The following ZSWIM6 variants were observed in gnomAD, a reference collection of about 807,000 sequenced individuals.
The protein encoded by ZSWIM6 is zinc finger SWIM-type containing 6.
ZSWIM6 carries 9 observed loss-of-function variants against 113.2 expected under a neutral mutation model. That is an observed-to-expected ratio of 0.08 (90% CI 0.05 to 0.14). ZSWIM6 has a LOEUF of 0.14. ZSWIM6 is among the 10% of genes least tolerant of loss of function. ZSWIM6 has a pLI of 1.00. For missense variants in ZSWIM6, 1,162 were observed against 1,552.2 expected, an observed-to-expected ratio of 0.75 and a Z score of 4.22; for synonymous variants, 611 against 606.5, an observed-to-expected ratio of 1.01 and a Z score of -0.11.
chr5:61,539,034 T>G, intron 11 of ZSWIM6, 63 bp downstream of exon 11: 2 of 1,430,548 alleles, frequency 1.4e-6, no homozygotes, highest in African/African-American at 1.4e-5. Context: ...TTTTTTTAAG[T>G]CTTGTTTTCT....
chr5:61,500,362 G>A (rs1002943345), intron 4 of ZSWIM6, among the ~76,000 whole-genome samples: 9 of 151,998 alleles, frequency 5.9e-5, no homozygotes, highest in South Asian at 2.1e-4. Context: ...TCCTGACCTC[G>A]TGATATGCCC....
At chr5:61,429,923 T>G (rs1746543977) in intron 1 of ZSWIM6, among the ~76,000 whole-genome samples, 1 of 152,138 alleles carries the variant, frequency 6.6e-6, no homozygotes, top group Non-Finnish European at 1.5e-5. Flanking sequence ...TGAGAATCAT[T>G]TAGATACATG....
intron 1 of ZSWIM6, among the ~76,000 whole-genome samples, chr5:61,431,064 A>G (rs1746570211): frequency 2.0e-5 from 3 of 152,174 alleles, no homozygotes; most frequent in African/African-American, 4.8e-5. Flanking sequence ...AAAGGTTTTT[A>G]TGATTTGCCA....
chr5:61,342,684 AT>A (rs1290374847), intron 1 of ZSWIM6, among the ~76,000 whole-genome samples: 1 of 152,064 alleles, frequency 6.6e-6, no homozygotes, highest in Non-Finnish European at 1.5e-5. Context: ...TTAAAATGTT[AT>A]TTTTTTCCAA....
At chr5:61,362,993 A>G (rs376160587) in intron 1 of ZSWIM6, among the ~76,000 whole-genome samples, 135 of 152,370 alleles carry the variant, frequency 8.9e-4, no homozygotes, top group African/African-American at 3.2e-3. Flanking sequence ...CCATTAAAAA[A>G]TGCTTTCTGT....
At chr5:61,530,292 C>G in intron 8 of ZSWIM6, 94 bp downstream of exon 8, 4 of 1,299,444 alleles carry the variant, frequency 3.1e-6, no homozygotes, top group Non-Finnish European at 4.1e-6. Flanking sequence ...TTTTATGGAA[C>G]CATGTAGTTA....
intron 10 of ZSWIM6, among the ~76,000 whole-genome samples, chr5:61,537,544 G>A (rs900496840): frequency 1.4e-4 from 20 of 146,140 alleles, no homozygotes; most frequent in Admixed American, 4.7e-4. Flanking sequence ...CTGTGAATAC[G>A]AGGATATTCT....
intron 1 of ZSWIM6, among the ~76,000 whole-genome samples, chr5:61,341,502 A>T (rs2112027106): frequency 6.6e-6 from 1 of 152,330 alleles, no homozygotes; most frequent in South Asian, 2.1e-4. Flanking sequence ...TTAGCCTATG[A>T]TAAATTGGTT....
chr5:61,530,116 C>A lies in ZSWIM6; in HGVS notation c.1902C>A (p.Asp634Glu). The change falls in exon 8 of 14, where the codon GAC (aspartate) becomes GAA (glutamate). Residue 634 changes from aspartate to glutamate, a missense_variant. Around this residue, in one of 4 missense-constraint regions of ZSWIM6, gnomAD observed 620 missense variants for 804.6 expected, o/e 0.77. Transcript: ENST00000252744. ...AGGGCTGGGTTGGACATCCCCTGGA[C>A]CCTGTGGGCACTCTCTTCAGTAGCC... ...NLEGWVGHPL[D>E]PVGTLFSSLM... 1 of 1,551,780 alleles carries A rather than the reference C, an allele frequency of 6.4e-7. No individual in the cohort carries two copies. Among genetic ancestry groups the A allele is most frequent in the Non-Finnish European group, 8.7e-7 (1 of 1,146,960 alleles).
At chr5:61,385,839 C>T (rs1053497609) in intron 1 of ZSWIM6, among the ~76,000 whole-genome samples, 8 of 152,176 alleles carry the variant, frequency 5.3e-5, no homozygotes, top group Non-Finnish European at 1.0e-4. Flanking sequence ...CGAATAGAGG[C>T]AAACACCCCA....
chr5:61,418,793 CT>C (rs1746302360), intron 1 of ZSWIM6, among the ~76,000 whole-genome samples: 1 of 152,146 alleles, frequency 6.6e-6, no homozygotes, highest in Admixed American at 6.5e-5. Flanking sequence ...AGACACCTTG[CT>C]TTTCACATCC....
chr5:61,390,572 G>A, intron 1 of ZSWIM6: 1 of 552,612 alleles, frequency 1.8e-6, no homozygotes, highest in Admixed American at 2.5e-5. Context: ...TTTTGTGAAT[G>A]AGCATTGTCA....
chr5:61,355,681 C>G (rs185975300), intron 1 of ZSWIM6, among the ~76,000 whole-genome samples: 158 of 152,246 alleles, frequency 1.0e-3, no homozygotes, highest in African/African-American at 3.6e-3. Context: ...AATTTTAATT[C>G]ATCTATAATT....
Position 61,380,935 on chromosome 5 carries a change from G to C in ZSWIM6, c.676+47987G>C, listed in dbSNP as rs111711573. Among the ~76,000 whole-genome samples, 116 of 148,814 alleles carry C rather than the reference G, an allele frequency of 7.8e-4. 2 individuals are homozygous for C. Among genetic ancestry groups the C allele is most frequent in the African/African-American group, 1.7e-3 (69 of 40,754 alleles). On this transcript the variant is annotated intron_variant, in intron 1 of 13. Coordinates refer to ENST00000252744, the MANE Select transcript of ZSWIM6 (RefSeq NM_020928.2). ...GCAACATGGCGACACGCAGTTTCTA[G>C]TACAGAAAAAAAAAAAGAAAAAAAA...
chr5:61,332,830 C>T lies in ZSWIM6; in HGVS notation c.558C>T (p.Ala186=). 1 of 988,430 alleles carries T rather than the reference C, an allele frequency of 1.0e-6. No individual in the cohort carries two copies. The highest frequency in any genetic ancestry group is 1.8e-5 in the African/African-American group (1 of 56,182). The allele number at this position is 988,430 out of a possible 1,614,324, so 61.2% of individuals were successfully genotyped here. The change falls in exon 1 of 14, where the codon GCC becomes GCT. Residue 186 remains alanine, a synonymous_variant. Coordinates refer to ENST00000252744, the MANE Select transcript of ZSWIM6 (RefSeq NM_020928.2). The stretch of plus-strand genomic sequence containing the variant: ...CCGCCGCCGCCGCCGCCGCGGGGGC[C>T]GGGGCCCCGTCGGTGGGGGCTGCCG... The part of the protein sequence containing the change: ...AAAAAAAAAG[A]GAPSVGAAGA...
chr5:61,538,952 C>A lies in ZSWIM6; in HGVS notation c.2520C>A (p.Thr840=). The change falls in exon 11 of 14, where the codon ACC becomes ACA. Residue 840 remains threonine, a synonymous_variant. Transcript: ENST00000252744. ...IESQQCELAS[T]MLTAAKGDVR... ...CCCAGCAGTGTGAGCTGGCATCCAC[C>A]ATGCTAACTGCAGCCAAAGGTACTG... 1 of 1,551,794 alleles carries A rather than the reference C, an allele frequency of 6.4e-7. No individual in the cohort carries two copies. The highest frequency in any genetic ancestry group is 1.2e-5 in the South Asian group (1 of 84,018).
At chr5:61,392,440 A>T (rs1745739755) in intron 1 of ZSWIM6, among the ~76,000 whole-genome samples, 1 of 152,202 alleles carries the variant, frequency 6.6e-6, no homozygotes, top group South Asian at 2.1e-4. Context: ...GAAAATTGTG[A>T]GGAAGCAAAA....
intron 1 of ZSWIM6, among the ~76,000 whole-genome samples, chr5:61,341,873 C>CTTTTTTT (rs35227918): frequency 4.3e-4 from 41 of 94,686 alleles, no homozygotes; most frequent in East Asian, 9.3e-4. Context: ...TCTCTGTAAC[C>CTTTTTTT]TTTTTTTTTT....
intron 2 of ZSWIM6, among the ~76,000 whole-genome samples, chr5:61,489,771 T>C (rs1374977420): frequency 6.6e-6 from 1 of 152,054 alleles, no homozygotes; most frequent in Non-Finnish European, 1.5e-5. Flanking sequence ...TCAGTAAATA[T>C]GCTGACTGGC....
Sources: allele counts gnomAD v4.1 joint callset (sites outside exome capture counted in the v4.1 genomes callset), GRCh38; gene constraint gnomAD v4.1.1; regional missense constraint gnomAD v4.1.1; transcripts MANE v1.5; gene names NCBI Gene and HGNC (gene_info 2026-07-23, HGNC 2026-07-21).